PVT1: variants seen among roughly 807,000 people sequenced by gnomAD.
PVT1 encodes the protein Pvt1 oncogene, also known as CXCR4/PVT1 fusion.
intron 3 of PVT1, among the ~76,000 whole-genome samples, chr8:127,891,195 T>G (rs185121983): frequency 2.2e-4 from 34 of 152,310 alleles, no homozygotes; most frequent in Non-Finnish European, 4.9e-4. Flanking sequence ...CCTGTCACCA[T>G]TTTCTGATGT....
chr8:128,012,970 A>G (rs913767235), intron 4 of PVT1, among the ~76,000 whole-genome samples: 9 of 152,302 alleles, frequency 5.9e-5, no homozygotes, highest in South Asian at 2.1e-4. Flanking sequence ...ATTCAGGTTC[A>G]TGGGTTATTG....
intron 2 of PVT1, among the ~76,000 whole-genome samples, chr8:127,889,835 G>T (rs1815578094): frequency 6.6e-6 from 1 of 152,186 alleles, no homozygotes; most frequent in Non-Finnish European, 1.5e-5. Flanking sequence ...AGAGTTTTTA[G>T]CCGATACATC....
chr8:127,875,076 T>C (rs1815391121), intron 2 of PVT1, among the ~76,000 whole-genome samples: 1 of 152,110 alleles, frequency 6.6e-6, no homozygotes. Flanking sequence ...TGATGAGAAG[T>C]GTCATTGCTA....
At chr8:127,828,228 A>G (rs967998613) in intron 2 of PVT1, among the ~76,000 whole-genome samples, 1 of 152,142 alleles carries the variant, frequency 6.6e-6, no homozygotes, top group African/African-American at 2.4e-5. Flanking sequence ...ATCTCTTGCT[A>G]AGGGCTTCTT....
intron 3 of PVT1, among the ~76,000 whole-genome samples, chr8:127,895,407 G>T (rs1815662906): frequency 6.6e-6 from 1 of 152,108 alleles, no homozygotes. Context: ...GGAGGCGGAG[G>T]TTGCAGTGAG....
intron 4 of PVT1, among the ~76,000 whole-genome samples, chr8:128,039,605 A>G (rs1813507601): frequency 6.6e-6 from 1 of 152,196 alleles, no homozygotes. Flanking sequence ...CACAAAGAGC[A>G]AAAAAGATAG....
At chr8:127,881,525 C>T (rs900150552) in intron 2 of PVT1, among the ~76,000 whole-genome samples, 1 of 151,336 alleles carries the variant, frequency 6.6e-6, no homozygotes, top group African/African-American at 2.4e-5. Flanking sequence ...ATCACAATCT[C>T]AGCTCACTGC....
chr8:128,073,895 T>G (rs560010763), intron 5 of PVT1, among the ~76,000 whole-genome samples: 2 of 151,972 alleles, frequency 1.3e-5, no homozygotes, highest in South Asian at 4.2e-4. Context: ...AAAGTCCAAG[T>G]GCAGAGGCAG....
chr8:127,811,228 C>T (rs1160476126), intron 2 of PVT1, among the ~76,000 whole-genome samples: 1 of 152,164 alleles, frequency 6.6e-6, no homozygotes, highest in Non-Finnish European at 1.5e-5. Context: ...CCAGTGTTGC[C>T]AGAGCTTCCA....
chr8:127,981,538 G>A (rs1816883516), intron 3 of PVT1, among the ~76,000 whole-genome samples: 1 of 152,188 alleles, frequency 6.6e-6, no homozygotes, highest in African/African-American at 2.4e-5. Context: ...TGGCGGGAAG[G>A]GAGGTTTTTG....
intron 5 of PVT1, among the ~76,000 whole-genome samples, chr8:128,073,802 CTT>C (rs79686805): frequency 1.3e-4 from 18 of 138,038 alleles, no homozygotes; most frequent in Admixed American, 2.2e-4. Flanking sequence ...ATTTTTTTTT[CTT>C]TTTTTTTTTT....
intron 2 of PVT1, among the ~76,000 whole-genome samples, chr8:127,807,913 G>T (rs1316928992): frequency 4.6e-5 from 7 of 151,704 alleles, no homozygotes; most frequent in African/African-American, 7.3e-5. Flanking sequence ...GACTACAGAT[G>T]CCTGCTACCA....
chr8:127,886,311 A>G (rs968175392), intron 2 of PVT1, among the ~76,000 whole-genome samples: 1 of 152,148 alleles, frequency 6.6e-6, no homozygotes, highest in Admixed American at 6.5e-5. Flanking sequence ...AAAAAAATAT[A>G]TATCCTGCAT....
At chr8:128,002,323 A>T (rs891093989) in intron 4 of PVT1, among the ~76,000 whole-genome samples, 1 of 152,266 alleles carries the variant, frequency 6.6e-6, no homozygotes, top group Non-Finnish European at 1.5e-5. Context: ...TGGCCTCTGC[A>T]CCTGTGTGAC....
rs1815753923 is a variant in PVT1 at position 127,901,141 on chromosome 8, G to A, written n.782+10143G>A. On this transcript the variant is annotated intron_variant and non_coding_transcript_variant, in intron 3 of 10. Transcript: ENST00000651587. Reference sequence around the variant, plus strand: ...CCAACAGCGTTGTCTGGGCCTGGCTGGATATCATGAGGCTGGACATGGAGG... The same window carrying A: ...CCAACAGCGTTGTCTGGGCCTGGCTAGATATCATGAGGCTGGACATGGAGG... Among the ~76,000 whole-genome samples the A allele has an allele frequency of 3.3e-5, 5 of 152,230 alleles. 1 individual carries two copies. In the South Asian group the frequency reaches 1.0e-3, roughly 31 times the overall value.
chr8:127,949,234 C>A (rs553592956), intron 3 of PVT1, among the ~76,000 whole-genome samples: 1 of 152,104 alleles, frequency 6.6e-6, no homozygotes, highest in African/African-American at 2.4e-5. Context: ...ATCACTATGC[C>A]GTCCCAGCTG....
At chr8:127,879,138 C>G (rs1466494922) in intron 2 of PVT1, among the ~76,000 whole-genome samples, 2 of 152,226 alleles carry the variant, frequency 1.3e-5, no homozygotes, top group Non-Finnish European at 2.9e-5. Context: ...AGTGCCATTC[C>G]CATCTCTTTC....
At chr8:127,967,651 G>A (rs982965582) in intron 3 of PVT1, among the ~76,000 whole-genome samples, 1 of 152,226 alleles carries the variant, frequency 6.6e-6, no homozygotes, top group East Asian at 1.9e-4. Flanking sequence ...CCTACTTTGA[G>A]CCATCTCCTG....
intron 3 of PVT1, among the ~76,000 whole-genome samples, chr8:127,960,943 TGGG>T (rs1219833158): frequency 3.6e-4 from 10 of 27,650 alleles, no homozygotes; most frequent in African/African-American, 8.5e-4. Flanking sequence ...TGTTTGGGGG[TGGG>T]GGGGGCGGGC....
Sources: gnomAD v4.1 joint callset for allele counts (sites outside exome capture counted in the v4.1 genomes callset) on GRCh38, gnomAD v4.1.1 for gene constraint, MANE v1.5 for transcripts, NCBI Gene and HGNC (gene_info 2026-07-23, HGNC 2026-07-21) for gene names.